Variants in CRACR2A observed in about 807,000 individuals in gnomAD.
CRACR2A encodes the protein calcium release activated channel regulator 2A, also known as EF-hand calcium-binding domain-containing protein 4B.
A neutral mutation model predicts 90.5 loss-of-function variants in CRACR2A; 79 were observed. The observed-to-expected ratio is 0.87, with a 90% CI of 0.73 to 1.05. CRACR2A has a LOEUF of 1.05. Ranked by LOEUF, CRACR2A falls within the 50% of genes least tolerant of loss-of-function variation. The pLI, the probability that CRACR2A is intolerant of heterozygous loss-of-function variation, is 0.00. For missense variants in CRACR2A, 823 were observed against 897.2 expected (o/e 0.92, Z 1.06); for synonymous variants, 338 against 356.7 (o/e 0.95, Z 0.59).
chr12:3,718,600 C>T (rs779552529), intron 2 of CRACR2A, among the ~76,000 whole-genome samples: 2 of 152,116 alleles, frequency 1.3e-5, no homozygotes, highest in Non-Finnish European at 2.9e-5. Flanking sequence ...TAAAAGATCT[C>T]GTTAATAATT....
At chr12:3,689,563 G>T (rs908650428) in intron 4 of CRACR2A, among the ~76,000 whole-genome samples, 1 of 152,178 alleles carries the variant, frequency 6.6e-6, no homozygotes, top group Admixed American at 6.5e-5. Context: ...TGGTGAGTAA[G>T]CTTTTTGGTG....
At chr12:3,621,672 A>AAAAAAAAAAAAAAAAAAAAAAC (rs1565460356) in intron 17 of CRACR2A, among the ~76,000 whole-genome samples, 1 of 145,712 alleles carries the variant, frequency 6.9e-6, no homozygotes, top group African/African-American at 2.5e-5. Context: ...AAAAAAAAAA[A>AAAAAAAAAAAAAAAAAAAAAAC]AAAAAAAAAC....
intron 17 of CRACR2A, among the ~76,000 whole-genome samples, chr12:3,625,404 C>A (rs1211627798): frequency 6.6e-6 from 1 of 151,712 alleles, no homozygotes; most frequent in Non-Finnish European, 1.5e-5. Flanking sequence ...AAAACAGGAG[C>A]CTTAGAAACG....
intron 10 of CRACR2A, 152 bp downstream of exon 10, chr12:3,654,060 C>T: frequency 1.3e-6 from 1 of 784,256 alleles, no homozygotes; most frequent in South Asian, 1.9e-5. Context: ...TGTCAGAATC[C>T]TAGAGGAGTG....
At chr12:3,713,657 T>C (rs1295695309) in intron 2 of CRACR2A, among the ~76,000 whole-genome samples, 1 of 152,150 alleles carries the variant, frequency 6.6e-6, no homozygotes, top group Non-Finnish European at 1.5e-5. Context: ...CAGCAAGTGC[T>C]CTTGAAATTC....
chr12:3,629,248 C>G (rs184253429), intron 15 of CRACR2A, among the ~76,000 whole-genome samples: 1 of 152,162 alleles, frequency 6.6e-6, no homozygotes, highest in East Asian at 1.9e-4. Flanking sequence ...GCAAGGTGAG[C>G]TGCAATCCCA....
intron 7 of CRACR2A, among the ~76,000 whole-genome samples, chr12:3,666,358 T>TGTGTGTGTGC (rs758896769): frequency 0.034 from 4,978 of 148,364 alleles, 260 homozygotes; most frequent in African/African-American, 0.11. Flanking sequence ...TGTGTGTGCG[T>TGTGTGTGTGC]GCGTGTGCGC....
chr12:3,691,776 G>A (rs562260789), intron 4 of CRACR2A, among the ~76,000 whole-genome samples: 3 of 152,278 alleles, frequency 2.0e-5, no homozygotes, highest in South Asian at 2.1e-4. Flanking sequence ...CTCTTTCAGG[G>A]ACACCAGTAA....
intron 2 of CRACR2A, among the ~76,000 whole-genome samples, chr12:3,717,099 C>T (rs1946093296): frequency 6.6e-6 from 1 of 152,090 alleles, no homozygotes; most frequent in Non-Finnish European, 1.5e-5. Flanking sequence ...GGGATTTAAA[C>T]TGGGCTTAGA....
rs911393011 is a variant in CRACR2A at position 3,627,546 on chromosome 12, G to A, written c.1822C>T (p.Arg608Trp). ...CTGAAGAACTGCTGGGTGATGCACC[G>A]GTACCTGCCACAGAAGGGCCACGGG... is the stretch of plus-strand genomic sequence containing the variant. ...LWDTAGQERY[R>W]CITQQFFRKA... The change falls in exon 17 of 20, where the codon CGG becomes TGG. Residue 608 changes from arginine (R) to tryptophan (W), a missense_variant. Transcript: ENST00000440314. 27 of 1,551,400 alleles carry A rather than the reference G, an allele frequency of 1.7e-5. No individual in the cohort carries two copies. The highest frequency in any genetic ancestry group is 1.7e-4 in the Middle Eastern group (1 of 6,014).
intron 3 of CRACR2A, among the ~76,000 whole-genome samples, chr12:3,698,663 G>A (rs1461798932): frequency 6.6e-6 from 1 of 152,226 alleles, no homozygotes; most frequent in African/African-American, 2.4e-5. Flanking sequence ...ATCTCTGTGT[G>A]TGAACTGACC....
Position 3,711,599 on chromosome 12 carries a change from C to T in CRACR2A, c.-37+1638G>A, listed in dbSNP as rs1172629259. 3.9e-5 allele frequency among the ~76,000 whole-genome samples: 6 copies of T among 151,948 alleles called. No individual in the cohort carries two copies. The highest frequency in any genetic ancestry group is 1.5e-4 in the African/African-American group (6 of 41,328). ...CCCACCAGTGTACTGTTCAGGATGA[C>T]TTACATCTTCTTTAAGATTGAGGCC... On this transcript the variant is annotated intron_variant, in intron 3 of 19. Transcript: ENST00000440314. This position sits in a 1 kb window ranked among gnomAD's most constrained non-coding sequence, Gnocchi z 4.3.
intron 11 of CRACR2A, among the ~76,000 whole-genome samples, chr12:3,646,313 TC>T (rs1454835331): frequency 5.3e-5 from 8 of 152,206 alleles, no homozygotes; most frequent in African/African-American, 9.7e-5. Context: ...CTATGACTCT[TC>T]TGGCCAGTGG....
chr12:3,640,092 T>G (rs899068722), intron 13 of CRACR2A, among the ~76,000 whole-genome samples: 3 of 152,254 alleles, frequency 2.0e-5, no homozygotes, highest in African/African-American at 7.2e-5. Flanking sequence ...TGGAAAAAGC[T>G]TTCTGTCTGG....
intron 4 of CRACR2A, among the ~76,000 whole-genome samples, chr12:3,692,638 C>T (rs1179452254): frequency 6.6e-6 from 1 of 152,112 alleles, no homozygotes; most frequent in Non-Finnish European, 1.5e-5. Flanking sequence ...TTGTACGTGC[C>T]AACAGCAGCA....
chr12:3,631,503 CA>C, intron 15 of CRACR2A, among the ~76,000 whole-genome samples: 1 of 152,272 alleles, frequency 6.6e-6, no homozygotes, highest in African/African-American at 2.4e-5. Flanking sequence ...TCCGGGAGGG[CA>C]AGTCGACCTC....
intron 15 of CRACR2A, among the ~76,000 whole-genome samples, chr12:3,628,385 G>C (rs1944316191): frequency 6.6e-6 from 1 of 152,170 alleles, no homozygotes; most frequent in Admixed American, 6.5e-5. Flanking sequence ...AGGAGGGTAG[G>C]AACTGGCAGG....
chr12:3,664,646 C>T (rs1055129527), intron 7 of CRACR2A, among the ~76,000 whole-genome samples: 7 of 152,170 alleles, frequency 4.6e-5, no homozygotes, highest in African/African-American at 1.7e-4. Flanking sequence ...TAGCAGAGAT[C>T]TCTGAGATGT....
chr12:3,699,745 C>T (rs978457600), intron 3 of CRACR2A, among the ~76,000 whole-genome samples: 15 of 152,154 alleles, frequency 9.9e-5, no homozygotes, highest in Admixed American at 9.8e-4. Flanking sequence ...TAGACAGGCA[C>T]CATGTCTTAT....
Sources: gnomAD v4.1 joint callset for allele counts (sites outside exome capture counted in the v4.1 genomes callset) on GRCh38, gnomAD v4.1.1 for gene constraint, Gnocchi (gnomAD v3.1) non-coding constraint, MANE v1.5 for transcripts, NCBI Gene and HGNC (gene_info 2026-07-23, HGNC 2026-07-21) for gene names.